The following AKAP12 variants were observed in gnomAD, a reference collection of about 807,000 sequenced individuals.
AKAP12 encodes the protein A-kinase anchor protein 12.
A neutral mutation model predicts 79.9 loss-of-function variants in AKAP12; 32 were observed. That is an observed-to-expected ratio of 0.40 (90% CI 0.30 to 0.54). The LOEUF is 0.54. Ranked by LOEUF, AKAP12 falls within the 20% of genes least tolerant of loss-of-function variation. AKAP12 has a pLI of 0.48. For missense variants in AKAP12, 2,074 were observed against 2,177.0 expected (o/e 0.95, Z 0.94); for synonymous variants, 808 against 857.0 (o/e 0.94, Z 1.00).
At position 151,352,905 on chromosome 6, in the gene AKAP12, C is replaced by T; in HGVS notation, c.4514C>T (p.Thr1505Ile). 3.1e-6 allele frequency: 5 copies of T among 1,614,178 alleles called. No homozygotes were observed. The highest frequency in any genetic ancestry group is 4.2e-6 in the Non-Finnish European group (5 of 1,180,050). The change falls in exon 4 of 5, where the codon ACC becomes ATC. Residue 1505 changes from threonine (T) to isoleucine (I), a missense_variant. Physicochemically the swap from Thr to Ile is moderately conservative, Grantham distance 89. Transcript: ENST00000402676. Reference sequence around the variant, plus strand: ...AGTTCCGACCTGGAAGGAGAGAAAACCACATCACTGAAGTGGAAGTCAGAT... The same window carrying T: ...AGTTCCGACCTGGAAGGAGAGAAAATCACATCACTGAAGTGGAAGTCAGAT... Reference protein sequence around the residue: ...GLSSDLEGEKTTSLKWKSDEV... With the variant: ...GLSSDLEGEKITSLKWKSDEV...
chr6:151,290,343 C>T (rs185445350), intron 2 of AKAP12, among the ~76,000 whole-genome samples: 2 of 152,236 alleles, frequency 1.3e-5, no homozygotes, highest in East Asian at 1.9e-4. Flanking sequence ...ATGACGAGCT[C>T]AGTCCCAGGT....
intron 3 of AKAP12, among the ~76,000 whole-genome samples, chr6:151,332,008 G>A (rs1348441618): frequency 6.8e-6 from 1 of 147,448 alleles, no homozygotes; most frequent in Non-Finnish European, 1.5e-5. Flanking sequence ...GGACCCTACT[G>A]AGTAGCACGT....
At chr6:151,334,215 T>C (rs1562744424) in intron 3 of AKAP12, among the ~76,000 whole-genome samples, 1 of 152,222 alleles carries the variant, frequency 6.6e-6, no homozygotes, top group East Asian at 1.9e-4. Flanking sequence ...TATTATGTGC[T>C]CCTTTTCTCC....
chr6:151,333,347 C>T (rs896554380), intron 3 of AKAP12, among the ~76,000 whole-genome samples: 8 of 152,154 alleles, frequency 5.3e-5, no homozygotes, highest in South Asian at 2.1e-4. Context: ...TCCTGCCTGC[C>T]GCCCCCACAT....
chr6:151,300,160 A>C (rs1233619254), intron 2 of AKAP12, among the ~76,000 whole-genome samples: 2 of 152,138 alleles, frequency 1.3e-5, no homozygotes, highest in African/African-American at 4.8e-5. Context: ...AAACACAATG[A>C]AGAGGTTTCT....
In AKAP12 at chr6:151,299,151, G is replaced by A. The variant is rs764528935; in HGVS notation, c.163-6596G>A. Among the ~76,000 whole-genome samples, 108 of 152,292 alleles carry A rather than the reference G, an allele frequency of 7.1e-4. 1 individual carries two copies. The highest frequency in any genetic ancestry group is 2.5e-3 in the Admixed American group (38 of 15,310). ...ACTGTGATATGCTTGGCTCCGTCCC[G>A]TTCAATGTTTTTGATGAATGGCTTA... On this transcript the variant is annotated intron_variant, in intron 2 of 4. Transcript: ENST00000402676.
chr6:151,274,429 T>TG (rs1405061609), intron 2 of AKAP12, among the ~76,000 whole-genome samples: 7 of 150,872 alleles, frequency 4.6e-5, no homozygotes, highest in Non-Finnish European at 5.9e-5. Flanking sequence ...GTGGAGGAGG[T>TG]GGGGGGGTTG....
intron 3 of AKAP12, among the ~76,000 whole-genome samples, chr6:151,341,057 CT>C (rs11359622): frequency 0.47 from 64,503 of 137,964 alleles, 16,606 homozygotes; most frequent in African/African-American, 0.74. Context: ...TCTTTTTTTT[CT>C]TTTTTTTTTT....
intron 2 of AKAP12, among the ~76,000 whole-genome samples, chr6:151,264,586 G>A (rs1301326466): frequency 6.6e-6 from 1 of 150,910 alleles, no homozygotes; most frequent in Non-Finnish European, 1.5e-5. Flanking sequence ...CAGGAGAATC[G>A]CTTGAACCCG....
At chr6:151,321,756 A>G (rs1204645684) in intron 3 of AKAP12, among the ~76,000 whole-genome samples, 1 of 152,116 alleles carries the variant, frequency 6.6e-6, no homozygotes, top group Non-Finnish European at 1.5e-5. Flanking sequence ...CTGAGGAACT[A>G]CCAGCCTATT....
At chr6:151,269,839 C>A (rs1396764647) in intron 2 of AKAP12, among the ~76,000 whole-genome samples, 1 of 152,142 alleles carries the variant, frequency 6.6e-6, no homozygotes, top group African/African-American at 2.4e-5. Context: ...ATTTTCACTC[C>A]CCAAAGAAAC....
chr6:151,339,734 A>G (rs1777901029), intron 3 of AKAP12, among the ~76,000 whole-genome samples: 1 of 151,324 alleles, frequency 6.6e-6, no homozygotes. Context: ...TCTGTGCTTC[A>G]TGTATTCATC....
intron 2 of AKAP12, among the ~76,000 whole-genome samples, chr6:151,268,744 G>A (rs893398199): frequency 6.6e-6 from 1 of 152,230 alleles, no homozygotes; most frequent in Non-Finnish European, 1.5e-5. Context: ...CTGGGTTCAA[G>A]TGATTCTCCT....
At chr6:151,275,672 T>C (rs1353872579) in intron 2 of AKAP12, among the ~76,000 whole-genome samples, 2 of 152,224 alleles carry the variant, frequency 1.3e-5, no homozygotes, top group Non-Finnish European at 1.5e-5. Flanking sequence ...GAGAAATCTT[T>C]TACGATGGCA....
intron 3 of AKAP12, among the ~76,000 whole-genome samples, chr6:151,321,450 G>A (rs560413909): frequency 6.6e-6 from 1 of 152,178 alleles, no homozygotes; most frequent in East Asian, 1.9e-4. Flanking sequence ...ATGCTCTTTG[G>A]TGACTAGCTT....
chr6:151,349,036 C>A lies in AKAP12; in HGVS notation c.645C>A (p.His215Gln). Residue 215 changes from histidine to glutamine, a missense_variant, in exon 4 of 5, where the codon CAC becomes CAA. By Grantham distance (24) the His-to-Gln change is conservative. Transcript: ENST00000402676. Reference sequence around the variant, plus strand: ...AGGGAGCAGCAGGGGCTGGCGACCACAAGGACCCCAGCCTTGGGGCTGGAG... The same window carrying A: ...AGGGAGCAGCAGGGGCTGGCGACCAAAAGGACCCCAGCCTTGGGGCTGGAG... ...EGEGAAGAGDHKDPSLGAGEA... is the reference protein window; with the variant it reads ...EGEGAAGAGDQKDPSLGAGEA... 6.2e-7 allele frequency: 1 copy of A among 1,613,326 alleles called. No individual in the cohort carries two copies. The highest frequency in any genetic ancestry group is 8.5e-7 in the Non-Finnish European group (1 of 1,179,794).
At chr6:151,343,600 A>G (rs182249667) in intron 3 of AKAP12, among the ~76,000 whole-genome samples, 60 of 152,282 alleles carry the variant, frequency 3.9e-4, no homozygotes, top group African/African-American at 1.4e-3. Flanking sequence ...CCTGGCCAAC[A>G]TGGTGAAACC....
At chr6:151,338,356 T>A (rs1777866700) in intron 3 of AKAP12, among the ~76,000 whole-genome samples, 1 of 152,216 alleles carries the variant, frequency 6.6e-6, no homozygotes, top group African/African-American at 2.4e-5. Context: ...CTTTTGTCTT[T>A]TAGACTTTGA....
rs764374986 is a variant in AKAP12, at chr6:151,353,369, G to A, written c.4978G>A (p.Val1660Ile). 67 of 1,614,046 alleles carry A rather than the reference G, an allele frequency of 4.2e-5. 1 individual carries two copies. The Middle Eastern group carries it at 6.7e-3, about 162-fold the overall frequency. ...TVNDQQLEEVVLPSEEEGGGA... is the reference protein window; with the variant it reads ...TVNDQQLEEVILPSEEEGGGA... ...AAATGATCAGCAGCTGGAAGAGGTC[G>A]TCCTCCCATCTGAGGAAGAGGGAGG... Residue 1660 changes from valine to isoleucine, a missense_variant, in exon 4 of 5, where the codon GTC becomes ATC. Physicochemically the swap from Val to Ile is conservative, Grantham distance 29 (BLOSUM62 3). Around this residue, in one of 3 missense-constraint regions of AKAP12, gnomAD observed 614 missense variants for 665.6 expected, o/e 0.92. Transcript: ENST00000402676.
Sources: allele counts gnomAD v4.1 joint callset (sites outside exome capture counted in the v4.1 genomes callset), GRCh38; gene constraint gnomAD v4.1.1; regional missense constraint gnomAD v4.1.1; transcripts MANE v1.5; gene names NCBI Gene and HGNC (gene_info 2026-07-23, HGNC 2026-07-21).